Variants in RIT2 observed in about 807,000 individuals in gnomAD.
RIT2 encodes the protein GTP-binding protein Rit2.
RIT2 carries 24 observed loss-of-function variants against 23.7 expected under a neutral mutation model. The ratio of observed to expected loss-of-function variants is 1.01; its 90% confidence interval spans 0.73 to 1.43. The LOEUF is 1.43. Ranked by LOEUF, RIT2 falls within the 40% of genes most tolerant of loss-of-function variation. The pLI is 0.00. For synonymous variants in RIT2, 107 were observed against 91.1 expected (o/e 1.17, Z -0.99); for missense variants, 236 against 266.9 (o/e 0.88, Z 0.81).
At chr18:43,012,919 A>G (rs2144256135) in intron 2 of RIT2, among the ~76,000 whole-genome samples, 1 of 151,894 alleles carries the variant, frequency 6.6e-6, no homozygotes, top group Non-Finnish European at 1.5e-5. Context: ...TTACAATATT[A>G]TTGATTTTAT....
At chr18:43,092,899 T>C (rs1407163101) in intron 1 of RIT2, among the ~76,000 whole-genome samples, 3 of 152,090 alleles carry the variant, frequency 2.0e-5, no homozygotes, top group African/African-American at 4.8e-5. Flanking sequence ...TTCTGTCTTT[T>C]TGTTAGTAAA....
At chr18:42,758,199 G>A (rs1913210498) in intron 4 of RIT2, among the ~76,000 whole-genome samples, 1 of 151,550 alleles carries the variant, frequency 6.6e-6, no homozygotes, top group South Asian at 2.1e-4. Flanking sequence ...GCTGGGGAAG[G>A]AAAGGATTAG....
chr18:42,907,439 A>C (rs1218551013), intron 4 of RIT2, among the ~76,000 whole-genome samples: 1 of 152,200 alleles, frequency 6.6e-6, no homozygotes, highest in Non-Finnish European at 1.5e-5. Context: ...GGTTGAGCAC[A>C]ATGATAAAGA....
At chr18:43,026,934 C>T (rs1046211585) in intron 2 of RIT2, among the ~76,000 whole-genome samples, 1 of 151,930 alleles carries the variant, frequency 6.6e-6, no homozygotes. Flanking sequence ...GCAAGAAGAC[C>T]AAATGCTGAG....
chr18:42,957,784 A>C (rs550447512), intron 3 of RIT2, among the ~76,000 whole-genome samples: 1 of 152,284 alleles, frequency 6.6e-6, no homozygotes, highest in East Asian at 1.9e-4. Flanking sequence ...ACTTCTTCTC[A>C]AAAAATTAAT....
rs369527274 is a variant in RIT2 at position 43,022,943 on chromosome 18, G to A, written c.160+10868C>T. ...AATGCTGAGAAAAGAGTGTTTTTTCGATTTTTCTGGGACTGAGTGAAATCA... is the reference window on the plus strand; with the variant it reads ...AATGCTGAGAAAAGAGTGTTTTTTCAATTTTTCTGGGACTGAGTGAAATCA... On this transcript the variant is annotated intron_variant, in intron 2 of 4. Coordinates refer to ENST00000326695, the MANE Select transcript of RIT2 (RefSeq NM_002930.4). Among the ~76,000 whole-genome samples the A allele has an allele frequency of 8.6e-5, 13 of 151,980 alleles. No homozygotes were observed. In the East Asian group the frequency reaches 1.2e-3, roughly 14 times the overall value.
In RIT2 at chr18:43,051,969, G is replaced by C. The variant is rs1912393794; in HGVS notation, c.104-18102C>G. 2.0e-5 allele frequency among the ~76,000 whole-genome samples: 3 copies of C among 152,108 alleles called. No individual in the cohort carries two copies. The South Asian group carries it at 6.2e-4, about 32-fold the overall frequency. ...TTACCTGATTTTTTGATTATCACAA[G>C]CCTGTACATATCCTGTATGACACAG... On this transcript the variant is annotated intron_variant, in intron 1 of 4. Transcript: ENST00000326695.
At chr18:42,769,843 TATAATAATAATAATAATA>T (rs149525390) in intron 4 of RIT2, among the ~76,000 whole-genome samples, 2 of 141,478 alleles carry the variant, frequency 1.4e-5, no homozygotes, top group South Asian at 2.3e-4. Context: ...AAACTTAAAG[TATAATAATAATAATAATA>T]ATAATAATAA....
intron 3 of RIT2, among the ~76,000 whole-genome samples, chr18:42,971,680 T>C (rs539145095): frequency 6.6e-6 from 1 of 152,214 alleles, no homozygotes; most frequent in South Asian, 2.1e-4. Flanking sequence ...ATCTGTTCCA[T>C]GTGTGGGTAG....
At chr18:42,979,551 A>T (rs1568045504) in intron 2 of RIT2, among the ~76,000 whole-genome samples, 1 of 152,166 alleles carries the variant, frequency 6.6e-6, no homozygotes. Context: ...GATCTTTCTC[A>T]AAGGATTACT....
chr18:43,023,847 A>T (rs1334144967), intron 2 of RIT2, among the ~76,000 whole-genome samples: 10 of 152,070 alleles, frequency 6.6e-5, no homozygotes, highest in African/African-American at 2.4e-4. Context: ...GGTCAGTGTA[A>T]GCATGTTTGA....
At chr18:42,896,258 C>G (rs970370531) in intron 4 of RIT2, among the ~76,000 whole-genome samples, 12 of 152,072 alleles carry the variant, frequency 7.9e-5, no homozygotes, top group Non-Finnish European at 2.9e-5. Flanking sequence ...GAGTGAAACT[C>G]CGTCACAAAA....
chr18:42,760,726 T>G (rs563443151), intron 4 of RIT2, among the ~76,000 whole-genome samples: 1 of 152,334 alleles, frequency 6.6e-6, no homozygotes, highest in African/African-American at 2.4e-5. Flanking sequence ...AAAAGAGACA[T>G]GATTGATATA....
At chr18:42,770,896 G>A (rs2143914737) in intron 4 of RIT2, among the ~76,000 whole-genome samples, 1 of 152,104 alleles carries the variant, frequency 6.6e-6, no homozygotes, top group South Asian at 2.1e-4. Context: ...TGTTAAAAAG[G>A]TCATTTTCAA....
intron 4 of RIT2, among the ~76,000 whole-genome samples, chr18:42,779,984 A>G (rs2642798): frequency 0.98 from 147,021 of 150,608 alleles, 71,872 homozygotes; most frequent in Middle Eastern, 1. Flanking sequence ...TATGATAGTT[A>G]TAAATTTCTA....
chr18:42,875,542 T>C (rs1907724038), intron 4 of RIT2, among the ~76,000 whole-genome samples: 2 of 152,062 alleles, frequency 1.3e-5, no homozygotes. Context: ...GCAAAATCTT[T>C]AGTCAATGCC....
At chr18:42,971,567 G>A (rs1910362048) in intron 3 of RIT2, among the ~76,000 whole-genome samples, 1 of 151,946 alleles carries the variant, frequency 6.6e-6, no homozygotes. Flanking sequence ...CTCAGCTATT[G>A]CCACAATAAT....
At chr18:43,047,948 G>A (rs1483034880) in intron 1 of RIT2, among the ~76,000 whole-genome samples, 1 of 152,110 alleles carries the variant, frequency 6.6e-6, no homozygotes, top group Non-Finnish European at 1.5e-5. Flanking sequence ...GGGCAGCCTT[G>A]GAAGCTGAGA....
intron 4 of RIT2, among the ~76,000 whole-genome samples, chr18:42,877,772 C>A (rs1555644133): frequency 6.6e-6 from 1 of 151,550 alleles, no homozygotes; most frequent in Non-Finnish European, 1.5e-5. Flanking sequence ...AGACAAACCA[C>A]AGTCAAAACT....
Sources: allele counts gnomAD v4.1 joint callset (sites outside exome capture counted in the v4.1 genomes callset), GRCh38; gene constraint gnomAD v4.1.1; transcripts MANE v1.5; gene names NCBI Gene and HGNC (gene_info 2026-07-23, HGNC 2026-07-21).